The following INPP4B variants were observed in gnomAD, a reference collection of about 807,000 sequenced individuals.
INPP4B encodes the protein inositol polyphosphate 4-phosphatase type II.
A neutral mutation model predicts 122.5 loss-of-function variants in INPP4B; 55 were observed. The observed-to-expected ratio is 0.45, with a 90% confidence interval of 0.36 to 0.56. INPP4B has a LOEUF of 0.56. Among genes scored for constraint, INPP4B ranks in the 20% least tolerant of loss-of-function variants. The probability of loss-of-function intolerance (pLI) is 0.00; values close to 1 mark genes in which losing one functional copy is unlikely to be tolerated. For missense variants in INPP4B, 1,000 were observed against 1,097.7 expected, an observed-to-expected ratio of 0.91 and a Z score of 1.26; for synonymous variants, 403 against 388.7, an observed-to-expected ratio of 1.04 and a Z score of -0.43.
chr4:142,224,094 C>T (rs915508465), intron 12 of INPP4B, among the ~76,000 whole-genome samples: 9 of 151,698 alleles, frequency 5.9e-5, no homozygotes, highest in African/African-American at 2.2e-4. Flanking sequence ...TTCAGCCATG[C>T]CAAAAAAAAT....
At chr4:142,192,840 C>A (rs1259849234) in intron 15 of INPP4B, among the ~76,000 whole-genome samples, 1 of 152,180 alleles carries the variant, frequency 6.6e-6, no homozygotes, top group Admixed American at 6.6e-5. Context: ...AATATCACCC[C>A]TTAGTCATAT....
At chr4:142,636,033 C>T (rs1324909920) in intron 2 of INPP4B, among the ~76,000 whole-genome samples, 5 of 152,112 alleles carry the variant, frequency 3.3e-5, no homozygotes, top group Admixed American at 2.6e-4. Flanking sequence ...GTTGAGATCA[C>T]TGCATCATGG....
In INPP4B at chr4:142,388,171, C is replaced by T. The variant is rs78727231; in HGVS notation, c.372+14767G>A. 2.4e-3 allele frequency among the ~76,000 whole-genome samples: 373 copies of T among 152,274 alleles called. 11 individuals are homozygous for T. The East Asian group carries it at 0.067, about 27-fold the overall frequency. ...TTGTATACTTGTGGTTAAGTTATAA[C>T]CTTAGTTGAGGCTTGCAGGTTTCAC... On this transcript the variant is annotated intron_variant, in intron 7 of 25. Transcript: ENST00000262992.
intron 12 of INPP4B, among the ~76,000 whole-genome samples, chr4:142,218,418 T>C (rs1392972944): frequency 6.6e-6 from 1 of 152,196 alleles, no homozygotes; most frequent in Non-Finnish European, 1.5e-5. Context: ...ACTTTAAAAA[T>C]CTGGGTATAT....
chr4:142,815,832 C>A (rs1780055462), intron 1 of INPP4B, among the ~76,000 whole-genome samples: 1 of 152,138 alleles, frequency 6.6e-6, no homozygotes, highest in South Asian at 2.1e-4. Context: ...GAGAAACCTA[C>A]TCCAGAAAAC....
chr4:142,786,287 G>A (rs571468651), intron 1 of INPP4B, among the ~76,000 whole-genome samples: 38 of 152,190 alleles, frequency 2.5e-4, no homozygotes, highest in African/African-American at 9.1e-4. Context: ...ACCTCATATT[G>A]ATGGGACTAT....
intron 2 of INPP4B, among the ~76,000 whole-genome samples, chr4:142,708,476 C>T (rs900895077): frequency 2.0e-5 from 3 of 152,158 alleles, no homozygotes; most frequent in African/African-American, 7.2e-5. Context: ...GGGCCCAGGG[C>T]CCTGCTGCCC....
intron 11 of INPP4B, among the ~76,000 whole-genome samples, chr4:142,239,879 C>G (rs1395930496): frequency 6.6e-6 from 1 of 150,628 alleles, no homozygotes; most frequent in Non-Finnish European, 1.5e-5. Flanking sequence ...TTTTCAACCT[C>G]TTTTTTTTTC....
chr4:142,461,187 T>C (rs1262491123), intron 3 of INPP4B, among the ~76,000 whole-genome samples: 1 of 152,178 alleles, frequency 6.6e-6, no homozygotes, highest in East Asian at 1.9e-4. Flanking sequence ...GTGAGATTCA[T>C]GGAACATAGC....
At chr4:142,587,173 G>A (rs1420968080) in intron 2 of INPP4B, among the ~76,000 whole-genome samples, 1 of 152,068 alleles carries the variant, frequency 6.6e-6, no homozygotes, top group Non-Finnish European at 1.5e-5. Flanking sequence ...GAACACAGAG[G>A]GTTATCCTGT....
intron 2 of INPP4B, among the ~76,000 whole-genome samples, chr4:142,638,360 A>C: frequency 6.6e-6 from 1 of 152,096 alleles, no homozygotes; most frequent in Middle Eastern, 3.4e-3. Flanking sequence ...TTTTGAGTAA[A>C]TTTTCATGAA....
chr4:142,492,060 A>G (rs1466808161), intron 2 of INPP4B, among the ~76,000 whole-genome samples: 2 of 152,060 alleles, frequency 1.3e-5, no homozygotes. Flanking sequence ...CATGCTGTTC[A>G]TGTGAGTTCT....
At chr4:142,803,278 C>T (rs905123793) in intron 1 of INPP4B, among the ~76,000 whole-genome samples, 1 of 151,524 alleles carries the variant, frequency 6.6e-6, no homozygotes, top group African/African-American at 2.4e-5. Context: ...CCATCAATTA[C>T]ATCTATTAGT....
At chr4:142,769,172 A>G (rs1772624949) in intron 1 of INPP4B, among the ~76,000 whole-genome samples, 2 of 152,336 alleles carry the variant, frequency 1.3e-5, no homozygotes, top group South Asian at 2.1e-4. Context: ...TCAACCAAAC[A>G]GGAAATAAAT....
intron 2 of INPP4B, among the ~76,000 whole-genome samples, chr4:142,623,573 T>G (rs892363203): frequency 6.6e-6 from 1 of 151,960 alleles, no homozygotes; most frequent in African/African-American, 2.4e-5. Context: ...TTTTTAAATT[T>G]TATTATTATT....
chr4:142,689,309 T>C (rs1159210124), intron 2 of INPP4B, among the ~76,000 whole-genome samples: 1 of 152,190 alleles, frequency 6.6e-6, no homozygotes, highest in Admixed American at 6.6e-5. Flanking sequence ...TTGCACCTTG[T>C]ATCTCCACTA....
At chr4:142,492,403 A>G (rs1346901644) in intron 2 of INPP4B, among the ~76,000 whole-genome samples, 2 of 152,134 alleles carry the variant, frequency 1.3e-5, no homozygotes, top group Non-Finnish European at 2.9e-5. Flanking sequence ...AGATAGAAAA[A>G]TGTGGGAAAG....
intron 23 of INPP4B, among the ~76,000 whole-genome samples, chr4:142,101,016 C>CTAA (rs1382564976): frequency 6.6e-6 from 1 of 152,122 alleles, no homozygotes. Flanking sequence ...AGTCTCTGTG[C>CTAA]TAATCAGAAG....
chr4:142,413,992 A>G (rs1387359030), intron 5 of INPP4B, among the ~76,000 whole-genome samples: 1 of 152,124 alleles, frequency 6.6e-6, no homozygotes, highest in Non-Finnish European at 1.5e-5. Flanking sequence ...TGACGGAGTT[A>G]TTGAGGAATA....
Sources: allele counts gnomAD v4.1 joint callset (sites outside exome capture counted in the v4.1 genomes callset), GRCh38; gene constraint gnomAD v4.1.1; transcripts MANE v1.5; gene names NCBI Gene and HGNC (gene_info 2026-07-23, HGNC 2026-07-21).